RAP1GDS1: variants seen among roughly 807,000 people sequenced by gnomAD.
RAP1GDS1 encodes the protein Rap1 GTPase-GDP dissociation stimulator 1.
Under a neutral mutation model 71.1 loss-of-function variants are expected in RAP1GDS1, and 35 were observed. That is an observed-to-expected ratio of 0.49 (90% CI 0.38 to 0.65). The LOEUF is 0.65. Ranked by LOEUF, RAP1GDS1 falls within the 30% of genes least tolerant of loss-of-function variation. The probability of loss-of-function intolerance (pLI) is 0.00; values close to 1 mark genes in which losing one functional copy is unlikely to be tolerated. For synonymous variants in RAP1GDS1, 229 were observed against 243.1 expected (o/e 0.94, Z 0.54); for missense variants, 663 against 706.1 (o/e 0.94, Z 0.69).
At position 98,417,394 on chromosome 4, in the gene RAP1GDS1, G is replaced by GA. The variant is rs1748185951; in HGVS notation, c.936dup (p.Gly313ArgfsTer4). ...GAATCCATGCAGAAGTTATTTGAAG[G>GA]AGGAAAAGGTAGTGTATTTCAAAGG... is the stretch of plus-strand genomic sequence containing the variant. On this transcript the variant is annotated frameshift_variant, in exon 9 of 15. Coordinates refer to ENST00000408927, the MANE Select transcript of RAP1GDS1 (RefSeq NM_001100427.2). LOFTEE classifies it high-confidence loss of function. 1 of 1,612,670 alleles carries GA rather than the reference G, an allele frequency of 6.2e-7. No individual in the cohort carries two copies. Among genetic ancestry groups the GA allele is most frequent in the Non-Finnish European group, 8.5e-7 (1 of 1,178,964 alleles).
At chr4:98,342,860 T>G (rs1735685914) in intron 2 of RAP1GDS1, among the ~76,000 whole-genome samples, 1 of 152,192 alleles carries the variant, frequency 6.6e-6, no homozygotes, top group Admixed American at 6.5e-5. Flanking sequence ...GAGAGTAAGT[T>G]TGGTATGCAA....
Position 98,404,596 on chromosome 4 carries a change from GA to G in RAP1GDS1, c.761del (p.Asn254MetfsTer13). ...TTTTGAAGTTCTTGCTCCATTGGCA[GA>G]AAATGGTGAGAAACTTAAATGCACC... ...MIFEVLAPLAENDAIKLQLVE... is the reference protein window; with the variant it reads ...MIFEVLAPLAXNDAIKLQLVE... On this transcript the variant is annotated frameshift_variant, in exon 7 of 15. Transcript: ENST00000408927. LOFTEE classifies it high-confidence loss of function. The G allele has an allele frequency of 6.3e-7, 1 of 1,597,878 alleles. No homozygotes were observed. Among genetic ancestry groups the G allele is most frequent in the Non-Finnish European group, 8.5e-7 (1 of 1,174,614 alleles).
chr4:98,297,113 C>T (rs1727899410), intron 2 of RAP1GDS1: 1 of 163,166 alleles, frequency 6.1e-6, no homozygotes. Flanking sequence ...TATAGAACAA[C>T]TCTGTGAGAT....
intron 3 of RAP1GDS1, among the ~76,000 whole-genome samples, chr4:98,349,479 G>A (rs377118090): frequency 1.3e-5 from 2 of 152,114 alleles, no homozygotes; most frequent in African/African-American, 2.4e-5. Context: ...TGAACTTTAA[G>A]GTAGTTTTTT....
intron 2 of RAP1GDS1, among the ~76,000 whole-genome samples, chr4:98,315,891 C>T (rs954823956): frequency 9.2e-5 from 14 of 151,872 alleles, no homozygotes; most frequent in African/African-American, 3.4e-4. Flanking sequence ...TAAATGTTTA[C>T]ATTATAGGAA....
At chr4:98,303,176 T>C (rs1728823885) in intron 2 of RAP1GDS1, among the ~76,000 whole-genome samples, 2 of 152,168 alleles carry the variant, frequency 1.3e-5, no homozygotes, top group African/African-American at 4.8e-5. Context: ...TGAACCAAGC[T>C]GCCCAGTAAA....
intron 5 of RAP1GDS1, among the ~76,000 whole-genome samples, chr4:98,383,367 G>T (rs1428301939): frequency 6.6e-6 from 1 of 151,462 alleles, no homozygotes; most frequent in Non-Finnish European, 1.5e-5. Context: ...ATTAACATAT[G>T]CAGTCTAGGC....
intron 3 of RAP1GDS1, among the ~76,000 whole-genome samples, chr4:98,351,109 T>G (rs1737118109): frequency 1.3e-5 from 2 of 152,188 alleles, no homozygotes; most frequent in Admixed American, 1.3e-4. Context: ...AGATGGTCAT[T>G]GAATTCATGA....
intron 6 of RAP1GDS1, among the ~76,000 whole-genome samples, chr4:98,398,817 G>A (rs1258723360): frequency 6.6e-6 from 1 of 152,136 alleles, no homozygotes; most frequent in East Asian, 1.9e-4. Flanking sequence ...GATCAAGAAG[G>A]CAATCCTATT....
intron 4 of RAP1GDS1, among the ~76,000 whole-genome samples, chr4:98,365,204 T>A (rs1739297515): frequency 6.6e-6 from 1 of 152,164 alleles, no homozygotes; most frequent in African/African-American, 2.4e-5. Context: ...ATTAAAAATT[T>A]GAGAGTTTGA....
intron 6 of RAP1GDS1, 119 bp from the exon 7 acceptor site, chr4:98,404,358 C>G: frequency 1.1e-6 from 1 of 931,666 alleles, no homozygotes; most frequent in Non-Finnish European, 1.5e-6. Flanking sequence ...TTTGATTGTT[C>G]CCATATTTGA....
chr4:98,289,801 C>T (rs924849773), intron 1 of RAP1GDS1, among the ~76,000 whole-genome samples: 2 of 152,110 alleles, frequency 1.3e-5, no homozygotes, highest in South Asian at 4.1e-4. Flanking sequence ...GCCAGGTGCC[C>T]CAAATTGACT....
At chr4:98,383,567 G>A (rs1473673027) in intron 5 of RAP1GDS1, among the ~76,000 whole-genome samples, 2 of 151,306 alleles carry the variant, frequency 1.3e-5, no homozygotes, top group Non-Finnish European at 3.0e-5. Context: ...TGTCGCATGG[G>A]CTGATGATAA....
intron 7 of RAP1GDS1, among the ~76,000 whole-genome samples, chr4:98,412,267 C>G (rs140292781): frequency 2.2e-4 from 34 of 152,212 alleles, no homozygotes; most frequent in African/African-American, 7.2e-4. Flanking sequence ...AATCCTAGCA[C>G]TTTGGGAGGC....
intron 2 of RAP1GDS1, among the ~76,000 whole-genome samples, chr4:98,328,083 A>G (rs1733406286): frequency 6.6e-6 from 1 of 152,152 alleles, no homozygotes. Context: ...GGCCATAGAG[A>G]ATTTGGTGAG....
chr4:98,392,139 T>G, intron 6 of RAP1GDS1, 59 bp downstream of exon 6: 1 of 1,454,988 alleles, frequency 6.9e-7, no homozygotes, highest in South Asian at 1.4e-5. Context: ...TACAATAAAT[T>G]TTTCTGTAGA....
intron 4 of RAP1GDS1, 130 bp downstream of exon 4, chr4:98,352,731 C>G: frequency 2.5e-6 from 2 of 798,988 alleles, no homozygotes; most frequent in Non-Finnish European, 3.6e-6. Flanking sequence ...TTCAGCACTG[C>G]TTATTTAGCA....
chr4:98,331,524 C>G (rs1307204460), intron 2 of RAP1GDS1, among the ~76,000 whole-genome samples: 1 of 152,068 alleles, frequency 6.6e-6, no homozygotes, highest in Non-Finnish European at 1.5e-5. Flanking sequence ...ATATTTGTGG[C>G]ATATGACATA....
intron 5 of RAP1GDS1, among the ~76,000 whole-genome samples, chr4:98,389,467 A>G (rs766216034): frequency 8.5e-5 from 13 of 152,138 alleles, no homozygotes; most frequent in Non-Finnish European, 1.6e-4. Flanking sequence ...GTTGGTCCAC[A>G]GTGAGTTCAT....
Sources: allele counts gnomAD v4.1 joint callset (sites outside exome capture counted in the v4.1 genomes callset), GRCh38; gene constraint gnomAD v4.1.1; transcripts MANE v1.5; gene names NCBI Gene and HGNC (gene_info 2026-07-23, HGNC 2026-07-21).